Variants in TANC2 observed in about 807,000 individuals in gnomAD.
TANC2 encodes the protein protein TANC2.
TANC2 carries 26 observed loss-of-function variants against 210.5 expected under a neutral mutation model. The observed-to-expected ratio is 0.12, with a 90% confidence interval of 0.09 to 0.17. TANC2 has a LOEUF of 0.17. Among genes scored for constraint, TANC2 ranks in the 10% least tolerant of loss-of-function variants. TANC2 has a pLI of 1.00. For missense variants in TANC2, 2,129 were observed against 2,608.9 expected (o/e 0.82, Z 4.01); for synonymous variants, 931 against 967.1 (o/e 0.96, Z 0.69).
At chr17:63,371,479 A>G (rs1428481007) in intron 14 of TANC2, among the ~76,000 whole-genome samples, 1 of 152,134 alleles carries the variant, frequency 6.6e-6, no homozygotes, top group East Asian at 1.9e-4. Context: ...AAAAAAAAAA[A>G]AAATCAAAGC....
At chr17:63,274,546 G>T (rs1369236072) in intron 9 of TANC2, among the ~76,000 whole-genome samples, 1 of 152,106 alleles carries the variant, frequency 6.6e-6, no homozygotes, top group East Asian at 1.9e-4. Context: ...AGGCATGGTG[G>T]CTCACACCTG....
chr17:63,309,404 G>T (rs530853777), intron 9 of TANC2, among the ~76,000 whole-genome samples: 8 of 151,154 alleles, frequency 5.3e-5, no homozygotes, highest in African/African-American at 2.0e-4. Context: ...TTTTCTAATG[G>T]TAGATATAGT....
At chr17:62,967,188 G>A (rs2031395684) in intron 1 of TANC2, 1 of 152,198 alleles carries the variant, frequency 6.6e-6, no homozygotes. Flanking sequence ...TGTTATTAGC[G>A]ATATTAATAA....
intron 8 of TANC2, among the ~76,000 whole-genome samples, chr17:63,260,989 T>C (rs949411502): frequency 6.6e-6 from 1 of 152,050 alleles, no homozygotes; most frequent in African/African-American, 2.4e-5. Context: ...CCCAGCACTT[T>C]GGGAGGCCAA....
At chr17:63,169,360 T>C (rs2040321614) in intron 5 of TANC2, among the ~76,000 whole-genome samples, 1 of 152,208 alleles carries the variant, frequency 6.6e-6, no homozygotes, top group African/African-American at 2.4e-5. Flanking sequence ...GAAGCTAGGA[T>C]GATGATTTTT....
intron 4 of TANC2, among the ~76,000 whole-genome samples, chr17:63,102,414 AT>A (rs200715516): frequency 0.17 from 24,858 of 144,386 alleles, 2,442 homozygotes; most frequent in Middle Eastern, 0.23. Context: ...TGATTGCAGG[AT>A]TTTTTTTTTT....
intron 4 of TANC2, among the ~76,000 whole-genome samples, chr17:63,135,577 C>T (rs1464266110): frequency 6.6e-6 from 1 of 151,758 alleles, no homozygotes; most frequent in African/African-American, 2.4e-5. Context: ...AATAGGAAGG[C>T]CATATATTAC....
In TANC2 at chr17:63,421,806, T is replaced by G. The variant is rs373945647; in HGVS notation, c.6076T>G (p.Ser2026Ala). ...CCTCTTGGAGCGAGTCAGCCAGGCC[T>G]CCTCCTATCCCGACGTGAAGGTAGC... The change falls in exon 28 of 28, where the codon TCC becomes GCC. Residue 2026 changes from serine (S) to alanine (A), a missense_variant. Physicochemically the swap from Ser to Ala is moderately conservative, Grantham distance 99 (BLOSUM62 1). Coordinates refer to ENST00000689528, the Ensembl canonical transcript of TANC2. This position sits in a 1 kb window ranked among gnomAD's most constrained non-coding sequence, Gnocchi z 6.9. 229 of 1,613,872 alleles carry G rather than the reference T, an allele frequency of 1.4e-4. 1 individual carries two copies. The highest frequency in any genetic ancestry group is 5.0e-5 in the Admixed American group (3 of 60,010).
chr17:63,323,386 T>G (rs540621541), intron 11 of TANC2, among the ~76,000 whole-genome samples: 2 of 152,348 alleles, frequency 1.3e-5, no homozygotes, highest in South Asian at 2.1e-4. Flanking sequence ...AAGAAATACT[T>G]TCCATTTGAA....
At chr17:63,219,982 A>T (rs1712119165) in intron 7 of TANC2, among the ~76,000 whole-genome samples, 1 of 152,178 alleles carries the variant, frequency 6.6e-6, no homozygotes, top group African/African-American at 2.4e-5. Context: ...GTAAAGGTGG[A>T]CAATGGAACC....
At chr17:63,177,145 G>A (rs1311331747) in intron 5 of TANC2, among the ~76,000 whole-genome samples, 3 of 151,170 alleles carry the variant, frequency 2.0e-5, no homozygotes, top group Non-Finnish European at 4.4e-5. Flanking sequence ...CACACCTGTA[G>A]TCCCAGCTAC....
In TANC2 at chr17:63,355,130, C is replaced by G. The variant is rs267604982; in HGVS notation, c.2322C>G (p.Ser774=). The G allele has an allele frequency of 5.6e-6, 9 of 1,613,760 alleles. No individual in the cohort carries two copies. The South Asian group carries it at 9.9e-5, about 18-fold the overall frequency. Residue 774 remains serine, a synonymous_variant, in exon 14 of 28, where the codon TCC becomes TCG. Coordinates refer to ENST00000689528, the Ensembl canonical transcript of TANC2. The stretch of plus-strand genomic sequence containing the variant: ...ATATGAAGTTCCCAACCCAGTCTTC[C>G]TTTGACCGGGTGATGCCTCTCCTGA...
rs548150762 is a variant in TANC2, at chr17:63,241,835, C to T, written c.1033+3758C>T. Among the ~76,000 whole-genome samples the T allele has an allele frequency of 4.6e-5, 7 of 152,188 alleles. 1 individual carries two copies. The South Asian group carries it at 1.5e-3, about 32-fold the overall frequency. ...GAGCATCAGAAATGTGTAAAAATTC[C>T]GTGAGAGGACATTGTTACTCAGCTA... is the stretch of plus-strand genomic sequence containing the variant. On this transcript the variant is annotated intron_variant, in intron 8 of 27. Coordinates refer to ENST00000689528, the Ensembl canonical transcript of TANC2.
chr17:63,280,381 T>A (rs189883587), intron 9 of TANC2, among the ~76,000 whole-genome samples: 21 of 152,204 alleles, frequency 1.4e-4, no homozygotes, highest in Middle Eastern at 3.4e-3. Context: ...AGTTTTTTTT[T>A]AATTCAGTTT....
chr17:63,267,388 A>G (rs1475810952), intron 8 of TANC2, among the ~76,000 whole-genome samples: 1 of 152,078 alleles, frequency 6.6e-6, no homozygotes, highest in East Asian at 1.9e-4. Context: ...TAAATCTCAA[A>G]TCTACCATTA....
intron 4 of TANC2, among the ~76,000 whole-genome samples, chr17:63,136,371 A>G (rs976518172): frequency 6.6e-6 from 1 of 152,174 alleles, no homozygotes; most frequent in Non-Finnish European, 1.5e-5. Context: ...TGTAGAAGGA[A>G]CATACTTATT....
chr17:63,019,033 A>T (rs1425828697), intron 2 of TANC2, among the ~76,000 whole-genome samples: 1 of 152,154 alleles, frequency 6.6e-6, no homozygotes, highest in Non-Finnish European at 1.5e-5. Flanking sequence ...GTATAAACAT[A>T]ATTTTTTATT....
intron 7 of TANC2, among the ~76,000 whole-genome samples, chr17:63,234,046 T>C (rs1179072659): frequency 6.6e-6 from 1 of 152,202 alleles, no homozygotes; most frequent in East Asian, 1.9e-4. Context: ...TGGGTAGGTA[T>C]TGCAAGGACT....
intron 3 of TANC2, among the ~76,000 whole-genome samples, chr17:63,095,586 A>G (rs2037357210): frequency 6.6e-6 from 1 of 152,084 alleles, no homozygotes; most frequent in African/African-American, 2.4e-5. Context: ...TGGGCCCAAT[A>G]TTGAAGACAC....
Sources: allele counts gnomAD v4.1 joint callset (sites outside exome capture counted in the v4.1 genomes callset), GRCh38; gene constraint gnomAD v4.1.1; non-coding constraint Gnocchi (gnomAD v3.1); transcripts MANE v1.5; gene names NCBI Gene and HGNC (gene_info 2026-07-23, HGNC 2026-07-21).